Variants in KCNK10 observed in about 807,000 individuals in gnomAD.
KCNK10 encodes the protein potassium two pore domain channel subfamily K member 10.
A neutral mutation model predicts 47.7 loss-of-function variants in KCNK10; 25 were observed. That is an observed-to-expected ratio of 0.52 (90% CI 0.38 to 0.73). KCNK10 has a LOEUF of 0.73. KCNK10 is among the 30% of genes least tolerant of loss of function. The pLI, the probability that KCNK10 is intolerant of heterozygous loss-of-function variation, is 0.00. For missense variants in KCNK10, 563 were observed against 714.5 expected (o/e 0.79, Z 2.42); for synonymous variants, 303 against 285.6 (o/e 1.06, Z -0.61).
At chr14:88,241,910 C>G (rs1414968194) in intron 2 of KCNK10, among the ~76,000 whole-genome samples, 2 of 152,210 alleles carry the variant, frequency 1.3e-5, no homozygotes, top group Admixed American at 1.3e-4. Flanking sequence ...GAGCTGGCCC[C>G]TGCCATCTTC....
chr14:88,299,730 T>G (rs1888057531), intron 1 of KCNK10, among the ~76,000 whole-genome samples: 1 of 152,232 alleles, frequency 6.6e-6, no homozygotes, highest in Non-Finnish European at 1.5e-5. Flanking sequence ...TACATTTATT[T>G]AAGATTTAAG....
At chr14:88,210,691 G>T (rs61975836) in intron 4 of KCNK10, among the ~76,000 whole-genome samples, 1 of 152,004 alleles carries the variant, frequency 6.6e-6, no homozygotes, top group Non-Finnish European at 1.5e-5. Context: ...AGGTGCAAGA[G>T]GGAAGCAAGG....
chr14:88,197,314 G>T (rs1357796071), intron 4 of KCNK10, among the ~76,000 whole-genome samples: 2 of 151,972 alleles, frequency 1.3e-5, no homozygotes, highest in African/African-American at 2.4e-5. Flanking sequence ...CTCAGGCCAG[G>T]CATGCTGGCT....
intron 2 of KCNK10, among the ~76,000 whole-genome samples, chr14:88,255,531 C>CAA (rs33933825): frequency 0.2 from 27,722 of 139,756 alleles, 3,024 homozygotes; most frequent in East Asian, 0.43. Context: ...CTGTCTCTAC[C>CAA]AAAAAAAAAA....
chr14:88,322,713 A>C lies in KCNK10; in HGVS notation c.52+34T>G, dbSNP rs1293908940. 1 of 1,613,718 alleles carries C rather than the reference A, an allele frequency of 6.2e-7. No homozygotes were observed. The highest frequency in any genetic ancestry group is 8.5e-7 in the Non-Finnish European group (1 of 1,179,654). On this transcript the variant is annotated intron_variant, in intron 1 of 6. Coordinates refer to ENST00000319231, the MANE Select transcript of KCNK10 (RefSeq NM_138317.3). The surrounding 1 kb of genome is among the most constrained non-coding windows in gnomAD (Gnocchi z 4.8). ...GCGCGCACACGCCGGAGACAGAGGCAGGGCGAGGGCAGCCAAAAGTAGGAA... is the reference window on the plus strand; with the variant it reads ...GCGCGCACACGCCGGAGACAGAGGCCGGGCGAGGGCAGCCAAAAGTAGGAA...
chr14:88,253,375 G>A (rs762727579), intron 2 of KCNK10, among the ~76,000 whole-genome samples: 12 of 152,106 alleles, frequency 7.9e-5, no homozygotes, highest in East Asian at 5.8e-4. Context: ...GATATTGAAC[G>A]TTCCCAACAC....
At position 88,227,563 on chromosome 14, in the gene KCNK10, A is replaced by G. The variant is rs775353062; in HGVS notation, c.521-28T>C. Reference sequence around the variant, plus strand: ...GGTGAGAAATATGAAAAAGAGGGAGAGTGGCAGAGAAATTAGCATACTGAC... The same window carrying G: ...GGTGAGAAATATGAAAAAGAGGGAGGGTGGCAGAGAAATTAGCATACTGAC... On this transcript the variant is annotated intron_variant, in intron 3 of 6. Coordinates refer to ENST00000319231, the MANE Select transcript of KCNK10 (RefSeq NM_138317.3). 1.9e-6 allele frequency: 3 copies of G among 1,564,592 alleles called. No individual in the cohort carries two copies. In the Admixed American group the frequency reaches 6.1e-5, roughly 32 times the overall value.
intron 1 of KCNK10, among the ~76,000 whole-genome samples, chr14:88,277,306 C>T (rs1428704883): frequency 6.6e-6 from 1 of 152,142 alleles, no homozygotes; most frequent in African/African-American, 2.4e-5. Context: ...AAAACAGTTT[C>T]TACAAAATAC....
intron 1 of KCNK10, among the ~76,000 whole-genome samples, chr14:88,281,782 A>G (rs1384822692): frequency 2.7e-5 from 4 of 149,608 alleles, no homozygotes; most frequent in Admixed American, 2.0e-4. Flanking sequence ...ACATATGTAC[A>G]TATATACATA....
At chr14:88,227,022 A>C (rs1238121949) in intron 4 of KCNK10, among the ~76,000 whole-genome samples, 2 of 152,196 alleles carry the variant, frequency 1.3e-5, no homozygotes, top group Non-Finnish European at 2.9e-5. Flanking sequence ...AACAAAATGG[A>C]TGGATTTACA....
chr14:88,314,719 C>T (rs925608814), intron 1 of KCNK10, among the ~76,000 whole-genome samples: 2 of 152,200 alleles, frequency 1.3e-5, no homozygotes, highest in Non-Finnish European at 2.9e-5. Context: ...GGAGGCTACC[C>T]TGACTTCACA....
intron 1 of KCNK10, among the ~76,000 whole-genome samples, chr14:88,310,157 CATATACCATATCATATGGTATATG>C (rs796874564): frequency 9.2e-5 from 4 of 43,566 alleles, no homozygotes; most frequent in Admixed American, 2.3e-4. Flanking sequence ...ATATCTCTCT[CATATACCATATCATATGGTATATG>C]ATATACCATA....
intron 1 of KCNK10, among the ~76,000 whole-genome samples, chr14:88,314,514 A>C (rs1478485129): frequency 6.6e-6 from 1 of 152,370 alleles, no homozygotes; most frequent in Admixed American, 6.5e-5. Flanking sequence ...ACATTAACTC[A>C]GACTCAAATA....
Position 88,260,208 on chromosome 14 carries a change from G to A in KCNK10, c.402+2994C>T, listed in dbSNP as rs150870544. 1.2e-4 allele frequency among the ~76,000 whole-genome samples: 19 copies of A among 152,304 alleles called. No individual in the cohort carries two copies. The highest frequency in any genetic ancestry group is 4.3e-4 in the African/African-American group (18 of 41,548). ...TCCACCCACCTTGGCCTCCCAAAGT[G>A]CTGGGATTACAGGTGTAAGCCACCG... On this transcript the variant is annotated intron_variant, in intron 2 of 6. Transcript: ENST00000319231. The surrounding 1 kb of genome is among the most constrained non-coding windows in gnomAD (Gnocchi z 4.5).
intron 1 of KCNK10, among the ~76,000 whole-genome samples, chr14:88,286,068 G>C (rs1173924718): frequency 6.6e-6 from 1 of 152,168 alleles, no homozygotes; most frequent in Non-Finnish European, 1.5e-5. Context: ...GAGAAACACA[G>C]TGATCACATA....
chr14:88,282,910 A>C (rs1272910396), intron 1 of KCNK10, among the ~76,000 whole-genome samples: 1 of 152,208 alleles, frequency 6.6e-6, no homozygotes, highest in Admixed American at 6.5e-5. Context: ...GACACCATTC[A>C]CAGTCGCATA....
chr14:88,260,847 C>T lies in KCNK10; in HGVS notation c.402+2355G>A, dbSNP rs749276849. The stretch of plus-strand genomic sequence containing the variant: ...GCAAACACATTCACACAAACGCACA[C>T]ATACACACACATATCTCATTTCACA... On this transcript the variant is annotated intron_variant, in intron 2 of 6. Coordinates refer to ENST00000319231, the MANE Select transcript of KCNK10 (RefSeq NM_138317.3). The surrounding 1 kb of genome is among the most constrained non-coding windows in gnomAD (Gnocchi z 4.5). Among the ~76,000 whole-genome samples, 1 of 152,200 alleles carries T rather than the reference C, an allele frequency of 6.6e-6. No homozygotes were observed. The highest frequency in any genetic ancestry group is 6.5e-5 in the Admixed American group (1 of 15,274).
chr14:88,285,699 C>A (rs1359367771), intron 1 of KCNK10, among the ~76,000 whole-genome samples: 1 of 152,086 alleles, frequency 6.6e-6, no homozygotes, highest in Non-Finnish European at 1.5e-5. Context: ...TAAAAGAGAT[C>A]CTGATTTTAG....
At chr14:88,254,372 C>G (rs1220544942) in intron 2 of KCNK10, among the ~76,000 whole-genome samples, 2 of 152,112 alleles carry the variant, frequency 1.3e-5, no homozygotes, top group African/African-American at 2.4e-5. Flanking sequence ...CCTCATCCAA[C>G]CCTAAACCCA....
Sources: gnomAD v4.1 joint callset for allele counts (sites outside exome capture counted in the v4.1 genomes callset) on GRCh38, gnomAD v4.1.1 for gene constraint, Gnocchi (gnomAD v3.1) non-coding constraint, MANE v1.5 for transcripts, NCBI Gene and HGNC (gene_info 2026-07-23, HGNC 2026-07-21) for gene names.